LUC7L2: variants seen among roughly 807,000 people sequenced by gnomAD.
The protein encoded by LUC7L2 is LUC7 like 2, pre-mRNA splicing factor, also known as putative RNA-binding protein Luc7-like 2.
In LUC7L2, 25 loss-of-function variants were observed where a neutral mutation model predicts 52.8. The ratio of observed to expected loss-of-function variants is 0.47; its 90% CI spans 0.34 to 0.66. LUC7L2 has a LOEUF of 0.66. LUC7L2 is among the 30% of genes least tolerant of loss of function. The pLI, the probability that LUC7L2 is intolerant of heterozygous loss-of-function variation, is 0.01. For missense variants in LUC7L2, 328 were observed against 497.8 expected (o/e 0.66, Z 3.25); for synonymous variants, 144 against 160.9 (o/e 0.89, Z 0.80).
intron 8 of LUC7L2, among the ~76,000 whole-genome samples, chr7:139,415,846 T>C (rs539999041): frequency 2.0e-5 from 3 of 151,842 alleles, no homozygotes; most frequent in South Asian, 4.2e-4. Flanking sequence ...GTCCATGTCA[T>C]GTACCTTTCT....
At chr7:139,399,712 G>A (rs868291750) in intron 3 of LUC7L2, among the ~76,000 whole-genome samples, 5 of 151,826 alleles carry the variant, frequency 3.3e-5, no homozygotes, top group East Asian at 1.9e-4. Flanking sequence ...CGCGTGATCC[G>A]CCCGCCTCAG....
chr7:139,411,009 T>C (rs1012784183), intron 7 of LUC7L2, among the ~76,000 whole-genome samples: 2 of 152,224 alleles, frequency 1.3e-5, no homozygotes, highest in African/African-American at 2.4e-5. Context: ...ACTTGTTCTT[T>C]TGTGTATAGT....
chr7:139,342,381 A>G (rs1316266425), intron 1 of LUC7L2, among the ~76,000 whole-genome samples: 1 of 152,196 alleles, frequency 6.6e-6, no homozygotes, highest in African/African-American at 2.4e-5. Context: ...GTTAGGGTCC[A>G]GGTTTAAAAG....
Position 139,353,589 on chromosome 7 carries a change from C to T in LUC7L2, c.-26+13072C>T, listed in dbSNP as rs1188207428. ...GGCCAAGGCGGGTGGATCACGCAGT[C>T]GGAGGCCATCCTGGCCAACATGGTG... On this transcript the variant is annotated intron_variant, in intron 1 of 10. Transcript: ENST00000541170. Among the ~76,000 whole-genome samples the T allele has an allele frequency of 3.3e-5, 5 of 151,898 alleles. No individual in the cohort carries two copies. The South Asian group carries it at 8.3e-4, about 25-fold the overall frequency.
chr7:139,421,147 A>G (rs1019890656), intron 9 of LUC7L2, among the ~76,000 whole-genome samples: 1 of 152,212 alleles, frequency 6.6e-6, no homozygotes, highest in African/African-American at 2.4e-5. Context: ...AGAATGTTCA[A>G]AGTGGACATT....
At chr7:139,391,896 T>G (rs1675264876) in intron 2 of LUC7L2, among the ~76,000 whole-genome samples, 1 of 152,200 alleles carries the variant, frequency 6.6e-6, no homozygotes, top group Admixed American at 6.5e-5. Flanking sequence ...CTGGCTTCAT[T>G]GATTTTTCCA....
chr7:139,409,135 T>TG (rs1554396764), intron 6 of LUC7L2, among the ~76,000 whole-genome samples: 5 of 148,316 alleles, frequency 3.4e-5, no homozygotes, highest in African/African-American at 4.9e-5. Flanking sequence ...AGACTGTCTC[T>TG]AAAAAAAAAA....
chr7:139,393,009 G>A (rs1330443289), intron 2 of LUC7L2, among the ~76,000 whole-genome samples: 4 of 150,276 alleles, frequency 2.7e-5, no homozygotes, highest in African/African-American at 9.7e-5. Flanking sequence ...GCTCACGCCT[G>A]TAATCCCAGC....
rs1795401632 is a variant in LUC7L2, at chr7:139,412,446, A to G, written c.780-105A>G. ...GTGCGTAGGTACACGCCTTGTATTT[A>G]TAAAATTAATGTAAACATTAGAAAT... is the stretch of plus-strand genomic sequence containing the variant. On this transcript the variant is annotated intron_variant, in intron 7 of 9. Transcript: ENST00000354926. 5.8e-6 allele frequency: 8 copies of G among 1,388,752 alleles called. No homozygotes were observed. The East Asian group carries it at 1.7e-4, about 30-fold the overall frequency. 86.0% of individuals were successfully genotyped at this position (1,388,752 alleles called of 1,614,324 possible). A position where few individuals can be genotyped will look rare whatever the true frequency, so the allele number is the denominator to read the frequency against.
intron 6 of LUC7L2, among the ~76,000 whole-genome samples, chr7:139,408,025 G>A (rs1259533798): frequency 1.3e-5 from 2 of 152,146 alleles, no homozygotes; most frequent in Non-Finnish European, 1.5e-5. Flanking sequence ...TTGTGGCACT[G>A]TAGTGTTTTT....
In LUC7L2 at chr7:139,363,976, C is replaced by CTTTTTTTT. The variant is rs1169793101; in HGVS notation, c.61+3674_61+3681dup. Among the ~76,000 whole-genome samples, 188 of 96,096 alleles carry CTTTTTTTT rather than the reference C, an allele frequency of 2.0e-3. 14 individuals carry two copies. The highest frequency in any genetic ancestry group is 0.01 in the African/African-American group (181 of 17,262). The allele number at this position is 96,096 out of a possible 152,430, so 63.0% of individuals were successfully genotyped here. On this transcript the variant is annotated intron_variant, in intron 1 of 9. Coordinates refer to ENST00000354926, the MANE Select transcript of LUC7L2 (RefSeq NM_016019.5). ...TGAGGGTGTGGATTTAGATTACATCCTTTTTTTTTTTTTTTTTTTTTTTTT... is the reference window on the plus strand; with the variant it reads ...TGAGGGTGTGGATTTAGATTACATCCTTTTTTTTTTTTTTTTTTTTTTTTTTTTTTTTT...
chr7:139,417,474 G>T, intron 8 of LUC7L2, 64 bp from the exon 9 acceptor site: 1 of 1,548,634 alleles, frequency 6.5e-7, no homozygotes, highest in Non-Finnish European at 8.7e-7. Context: ...TAAAGAAAAG[G>T]CTTTAATAAA....
rs928347397 is a variant in LUC7L2 at position 139,341,666 on chromosome 7, C to G, written c.-26+1149C>G. The G allele has an allele frequency of 7.8e-6, 11 of 1,402,588 alleles. No individual in the cohort carries two copies. In the East Asian group the frequency reaches 2.8e-4, roughly 36 times the overall value. 86.9% of individuals were successfully genotyped at this position (1,402,588 alleles called of 1,614,324 possible). A position where few individuals can be genotyped will look rare whatever the true frequency, so the allele number is the denominator to read the frequency against. ...AGCCCTGGTTCTGACCAAACCAACC[C>G]AGGCCCTAGGCTCCATGCTCTGGCA... is the stretch of plus-strand genomic sequence containing the variant. On this transcript the variant is annotated intron_variant, in intron 1 of 10. Coordinates refer to the LUC7L2 transcript ENST00000541170.
intron 1 of LUC7L2, among the ~76,000 whole-genome samples, chr7:139,362,702 AC>A (rs1271590329): frequency 6.8e-6 from 1 of 147,686 alleles, no homozygotes; most frequent in Non-Finnish European, 1.5e-5. Flanking sequence ...GGTGGCAGTG[AC>A]CCCCTCCACT....
intron 1 of LUC7L2, chr7:139,345,454 C>T: frequency 1.2e-6 from 2 of 1,610,486 alleles, no homozygotes; most frequent in Non-Finnish European, 8.5e-7. Flanking sequence ...CTCTGTGGAC[C>T]TGTATCTCTA....
intron 1 of LUC7L2, among the ~76,000 whole-genome samples, chr7:139,362,660 C>G (rs1799948532): frequency 6.9e-6 from 1 of 144,620 alleles, no homozygotes. Context: ...GACTATAAAG[C>G]AGCGACTCTC....
At chr7:139,361,045 A>C (rs1046926017) in intron 1 of LUC7L2, among the ~76,000 whole-genome samples, 1 of 152,248 alleles carries the variant, frequency 6.6e-6, no homozygotes, top group Admixed American at 6.5e-5. Flanking sequence ...GTACCCAGTG[A>C]AGTAGAATAG....
At chr7:139,385,895 G>T (rs189748428) in intron 2 of LUC7L2, among the ~76,000 whole-genome samples, 1 of 152,180 alleles carries the variant, frequency 6.6e-6, no homozygotes, top group African/African-American at 2.4e-5. Context: ...AAGGAAACAA[G>T]TGTGTTCTCC....
At chr7:139,415,072 T>TTTTTG (rs1569395512) in intron 8 of LUC7L2, among the ~76,000 whole-genome samples, 17 of 92,922 alleles carry the variant, frequency 1.8e-4, no homozygotes, top group African/African-American at 9.8e-4. Context: ...TTTTTTTTTT[T>TTTTTG]TTTTTTTTTT....
Sources: allele counts gnomAD v4.1 joint callset (sites outside exome capture counted in the v4.1 genomes callset), GRCh38; gene constraint gnomAD v4.1.1; transcripts MANE v1.5; gene names NCBI Gene and HGNC (gene_info 2026-07-23, HGNC 2026-07-21).